The following ATXN1 variants were observed in gnomAD, a reference collection of about 807,000 sequenced individuals.
ATXN1 encodes the protein ataxin 1.
A neutral mutation model predicts 56.4 loss-of-function variants in ATXN1; 8 were observed. The ratio of observed to expected loss-of-function variants is 0.14; its 90% CI spans 0.08 to 0.26. The LOEUF (loss-of-function observed/expected upper bound fraction) is 0.26. Among genes scored for constraint, ATXN1 ranks in the 10% least tolerant of loss-of-function variants. ATXN1 has a pLI of 1.00. For synonymous variants in ATXN1, 514 were observed against 494.6 expected, an observed-to-expected ratio of 1.04 and a Z score of -0.52; for missense variants, 987 against 1,106.5, an observed-to-expected ratio of 0.89 and a Z score of 1.53.
rs905053961 is a variant in ATXN1 at position 16,688,728 on chromosome 6, G to A, written c.-614-30827C>T. On this transcript the variant is annotated intron_variant, in intron 2 of 7. Transcript: ENST00000436367. ...GGTGACATCCAATCTGCTTTTACCC[G>A]GCTCACTTATTTACAATTGGGGCTG... is the stretch of plus-strand genomic sequence containing the variant. 4.5e-4 allele frequency among the ~76,000 whole-genome samples: 69 copies of A among 152,016 alleles called. 1 individual carries two copies. Among genetic ancestry groups the A allele is most frequent in the African/African-American group, 2.4e-4 (10 of 41,362 alleles).
intron 3 of ATXN1, among the ~76,000 whole-genome samples, chr6:16,603,920 T>C (rs1011098145): frequency 2.6e-5 from 4 of 152,058 alleles, no homozygotes; most frequent in Non-Finnish European, 5.9e-5. Context: ...GGTACTGGCA[T>C]GAGGGTGTGG....
At chr6:16,690,845 C>A (rs1202649618) in intron 2 of ATXN1, among the ~76,000 whole-genome samples, 1 of 152,102 alleles carries the variant, frequency 6.6e-6, no homozygotes. Context: ...CCCCTCCAAT[C>A]CCCTTCATAA....
intron 6 of ATXN1, among the ~76,000 whole-genome samples, chr6:16,472,846 C>T (rs973160197): frequency 4.6e-5 from 7 of 152,192 alleles, no homozygotes; most frequent in Non-Finnish European, 8.8e-5. Context: ...CAGAGCAGAA[C>T]CCTGCATTGA....
At position 16,661,255 on chromosome 6, in the gene ATXN1, A is replaced by G. The variant is rs79802251; in HGVS notation, c.-614-3354T>C. Among the ~76,000 whole-genome samples, 1,322 of 152,232 alleles carry G rather than the reference A, an allele frequency of 8.7e-3. 20 individuals are homozygous for G. Among genetic ancestry groups the G allele is most frequent in the African/African-American group, 0.03 (1,258 of 41,546 alleles). On this transcript the variant is annotated intron_variant, in intron 2 of 7. Transcript: ENST00000436367. The stretch of plus-strand genomic sequence containing the variant: ...TTCTAGATATATAACTAAACATATA[A>G]ACATGTGTTTATACAAATATACATA...
intron 2 of ATXN1, chr6:16,740,051 T>C (rs1205539311): frequency 6.5e-6 from 2 of 306,926 alleles, no homozygotes. Flanking sequence ...AGATGGCCTT[T>C]GTCTTGTTTG....
At chr6:16,515,362 AG>A in intron 5 of ATXN1, among the ~76,000 whole-genome samples, 1 of 152,068 alleles carries the variant, frequency 6.6e-6, no homozygotes, top group Non-Finnish European at 1.5e-5. Flanking sequence ...CCCCCAGTTC[AG>A]GACCCCTCCC....
At chr6:16,367,768 G>A (rs1241974488) in intron 6 of ATXN1, among the ~76,000 whole-genome samples, 1 of 150,640 alleles carries the variant, frequency 6.6e-6, no homozygotes, top group Non-Finnish European at 1.5e-5. Flanking sequence ...GGTATGCCTA[G>A]ACTAAATTCT....
intron 4 of ATXN1, among the ~76,000 whole-genome samples, chr6:16,571,911 C>T (rs79193989): frequency 0.015 from 2,340 of 152,270 alleles, 71 homozygotes; most frequent in African/African-American, 0.051. Context: ...GATCCTTCCA[C>T]CTCAGCCCCC....
intron 6 of ATXN1, among the ~76,000 whole-genome samples, chr6:16,481,051 G>A (rs763850717): frequency 5.3e-5 from 8 of 152,190 alleles, no homozygotes; most frequent in Non-Finnish European, 1.0e-4. Flanking sequence ...AAGGAAGTCT[G>A]AGGAAGAGAG....
At chr6:16,733,169 A>G (rs139299191) in intron 2 of ATXN1, among the ~76,000 whole-genome samples, 7 of 152,348 alleles carry the variant, frequency 4.6e-5, no homozygotes, top group African/African-American at 1.7e-4. Flanking sequence ...AGGTTACATT[A>G]TCTTAACATA....
At chr6:16,392,617 T>C (rs1373658015) in intron 6 of ATXN1, among the ~76,000 whole-genome samples, 3 of 152,118 alleles carry the variant, frequency 2.0e-5, no homozygotes, top group Non-Finnish European at 4.4e-5. Context: ...TGCCTCAGCC[T>C]CCTGAGTAGC....
chr6:16,496,812 A>G (rs1760789385), intron 5 of ATXN1, among the ~76,000 whole-genome samples: 1 of 152,076 alleles, frequency 6.6e-6, no homozygotes, highest in South Asian at 2.1e-4. Flanking sequence ...AGCATCATCT[A>G]TGTGTCACTT....
At chr6:16,580,890 A>G (rs1762515678) in intron 4 of ATXN1, among the ~76,000 whole-genome samples, 1 of 152,136 alleles carries the variant, frequency 6.6e-6, no homozygotes, top group Non-Finnish European at 1.5e-5. Flanking sequence ...CTACAGATTG[A>G]AGGAAGGGTG....
At chr6:16,475,428 T>C (rs1275314440) in intron 6 of ATXN1, among the ~76,000 whole-genome samples, 1 of 152,220 alleles carries the variant, frequency 6.6e-6, no homozygotes, top group Non-Finnish European at 1.5e-5. Flanking sequence ...AAATTTATCA[T>C]AACAGCATCA....
intron 4 of ATXN1, among the ~76,000 whole-genome samples, chr6:16,567,584 T>C (rs1189620421): frequency 6.6e-6 from 1 of 152,242 alleles, no homozygotes; most frequent in Non-Finnish European, 1.5e-5. Flanking sequence ...ATTCTATTTC[T>C]ACCTCCTAAC....
At chr6:16,576,689 C>T (rs1049584247) in intron 4 of ATXN1, among the ~76,000 whole-genome samples, 2 of 152,186 alleles carry the variant, frequency 1.3e-5, no homozygotes, top group African/African-American at 4.8e-5. Context: ...TGTAAGAGAG[C>T]ATACAGCAGA....
At chr6:16,485,875 G>A (rs1048625720) in intron 6 of ATXN1, 97 bp downstream of exon 6, 1 of 152,172 alleles carries the variant, frequency 6.6e-6, no homozygotes, top group African/African-American at 2.4e-5. Flanking sequence ...TAGAGCTCAT[G>A]CTAATACCCC....
chr6:16,538,944 C>T (rs111626252), intron 4 of ATXN1, among the ~76,000 whole-genome samples: 4,884 of 152,236 alleles, frequency 0.032, 259 homozygotes, highest in African/African-American at 0.11. Flanking sequence ...CCTCGGCCTC[C>T]CAAAGTGCTG....
At position 16,410,666 on chromosome 6, in the gene ATXN1, T is replaced by C. The variant is rs553894903; in HGVS notation, c.-161+75306A>G. The stretch of plus-strand genomic sequence containing the variant: ...TCTTTATGTTCTAAAGTCTTAATCA[T>C]GCATTTCTTTCAAATTGTGAGCCTC... On this transcript the variant is annotated intron_variant, in intron 6 of 7. Transcript: ENST00000436367. This position sits in a 1 kb window ranked among gnomAD's most constrained non-coding sequence, Gnocchi z 4.6. Among the ~76,000 whole-genome samples the C allele has an allele frequency of 1.8e-4, 28 of 152,388 alleles. No homozygotes were observed. Among genetic ancestry groups the C allele is most frequent in the Non-Finnish European group, 3.1e-4 (21 of 68,044 alleles).
Sources: gnomAD v4.1 joint callset for allele counts (sites outside exome capture counted in the v4.1 genomes callset) on GRCh38, gnomAD v4.1.1 for gene constraint, Gnocchi (gnomAD v3.1) non-coding constraint, MANE v1.5 for transcripts, NCBI Gene and HGNC (gene_info 2026-07-23, HGNC 2026-07-21) for gene names.